Variants in SLC47A1 observed in about 807,000 individuals in gnomAD.
The protein encoded by SLC47A1 is multidrug and toxin extrusion protein 1.
In SLC47A1, 58 loss-of-function variants were observed where a neutral mutation model predicts 65.8. The ratio of observed to expected loss-of-function variants is 0.88; its 90% CI spans 0.71 to 1.10. SLC47A1 has a LOEUF of 1.10. Among genes scored for constraint, SLC47A1 ranks in the 50% least tolerant of loss-of-function variants. The pLI is 0.00. For missense variants in SLC47A1, 706 were observed against 719.2 expected, an observed-to-expected ratio of 0.98 and a Z score of 0.21; for synonymous variants, 285 against 295.0, an observed-to-expected ratio of 0.97 and a Z score of 0.35.
intron 16 of SLC47A1, among the ~76,000 whole-genome samples, chr17:19,576,510 C>T (rs2084441487): frequency 6.6e-6 from 1 of 151,638 alleles, no homozygotes; most frequent in African/African-American, 2.4e-5. Flanking sequence ...GCCATCAGGC[C>T]CAGCAAAGTT....
intron 2 of SLC47A1, among the ~76,000 whole-genome samples, chr17:19,543,766 T>G (rs756643615): frequency 2.0e-5 from 3 of 152,072 alleles, no homozygotes; most frequent in African/African-American, 7.2e-5. Context: ...TCTAGAAAAG[T>G]GGATTCAGTG....
At position 19,571,513 on chromosome 17, in the gene SLC47A1, C is replaced by T; in HGVS notation, c.1345C>T (p.Gln449Ter). ...AGGGATCATCATCTGTACAGTCTTT[C>T]AAGCTGTGTGTTTTCTAGGCTTTAT... ...WSGIIICTVF[Q>*]AVCFLGFIIQ... Residue 449 changes from glutamine to a stop codon, truncating the protein, a stop_gained, in exon 15 of 17, where the codon CAA (glutamine) becomes TAA (stop). Transcript: ENST00000270570. LOFTEE classifies it high-confidence loss of function. 6.2e-7 allele frequency: 1 copy of T among 1,614,096 alleles called. No homozygotes were observed. The highest frequency in any genetic ancestry group is 8.5e-7 in the Non-Finnish European group (1 of 1,179,992).
At chr17:19,559,542 T>A (rs1351649627) in intron 10 of SLC47A1, among the ~76,000 whole-genome samples, 2 of 152,150 alleles carry the variant, frequency 1.3e-5, no homozygotes, top group Admixed American at 1.3e-4. Context: ...ATTTTATTTA[T>A]TTATTTTGAG....
At chr17:19,538,298 CA>C (rs1597491815) in intron 1 of SLC47A1, among the ~76,000 whole-genome samples, 1 of 152,168 alleles carries the variant, frequency 6.6e-6, no homozygotes, top group African/African-American at 2.4e-5. Context: ...ACAAAATACC[CA>C]AAAAACGCTG....
At chr17:19,574,369 C>T (rs940643021) in intron 16 of SLC47A1, among the ~76,000 whole-genome samples, 3 of 152,156 alleles carry the variant, frequency 2.0e-5, no homozygotes, top group African/African-American at 7.2e-5. Flanking sequence ...GTAGGTCTCT[C>T]TGACCTGCAT....
At position 19,567,123 on chromosome 17, in the gene SLC47A1, A is replaced by G. The variant is rs777906906; in HGVS notation, c.1204A>G (p.Ser402Gly). ...CACGAGTGGTGGTGTTCTGAGGGGGAGTGGAAATCAGAAGGTTGGAGCCAT... is the reference window on the plus strand; with the variant it reads ...CACGAGTGGTGGTGTTCTGAGGGGGGGTGGAAATCAGAAGGTTGGAGCCAT... ...ACTSGGVLRG[S>G]GNQKVGAIVN... The change falls in exon 14 of 17, where the codon AGT becomes GGT. Residue 402 changes from serine (S) to glycine (G), a missense_variant. Transcript: ENST00000270570. 2 of 1,613,816 alleles carry G rather than the reference A, an allele frequency of 1.2e-6. No homozygotes were observed. The highest frequency in any genetic ancestry group is 4.5e-5 in the East Asian group (2 of 44,876).
intron 10 of SLC47A1, chr17:19,557,726 G>T (rs748735098): frequency 2.7e-5 from 12 of 442,004 alleles, no homozygotes; most frequent in Non-Finnish European, 3.6e-5. Context: ...CAACACACAG[G>T]GTTTTTCTGC....
chr17:19,541,657 C>T (rs1916152582), intron 1 of SLC47A1, among the ~76,000 whole-genome samples: 1 of 152,218 alleles, frequency 6.6e-6, no homozygotes, highest in Non-Finnish European at 1.5e-5. Flanking sequence ...TCGCTACCTC[C>T]AGCTCCTCCT....
At position 19,577,301 on chromosome 17, in the gene SLC47A1, G is replaced by A. The variant is rs199950261; in HGVS notation, c.1487-26G>A. ...AAATGAAAAAAAAAATCCCTTTTAA[G>A]CTGCTAAGTTCCTTTTTCCTCCCAG... On this transcript the variant is annotated intron_variant, in intron 16 of 16. Coordinates refer to ENST00000270570, the MANE Select transcript of SLC47A1 (RefSeq NM_018242.3). The A allele has an allele frequency of 2.9e-5, 46 of 1,607,360 alleles. No homozygotes were observed. In the African/African-American group the frequency reaches 3.5e-4, roughly 12 times the overall value.
intron 16 of SLC47A1, among the ~76,000 whole-genome samples, chr17:19,575,086 T>C (rs2084429011): frequency 7.9e-6 from 1 of 126,780 alleles, no homozygotes; most frequent in South Asian, 3.1e-4. Flanking sequence ...CCTCCCTTTT[T>C]CTCTCTTTCT....
At chr17:19,575,053 TTC>T (rs781676551) in intron 16 of SLC47A1, among the ~76,000 whole-genome samples, 4 of 151,272 alleles carry the variant, frequency 2.6e-5, no homozygotes, top group Non-Finnish European at 1.5e-5. Flanking sequence ...CAAAATGATT[TTC>T]TTTTTCTCCC....
intron 12 of SLC47A1, among the ~76,000 whole-genome samples, chr17:19,562,295 G>A (rs1352765572): frequency 6.6e-6 from 1 of 152,130 alleles, no homozygotes. Context: ...AGGCACGGTG[G>A]CTCACTCCTG....
At chr17:19,560,112 C>A in intron 10 of SLC47A1, 76 bp from the exon 11 acceptor site, 1 of 1,032,270 alleles carries the variant, frequency 9.7e-7, no homozygotes, top group Non-Finnish European at 1.4e-6. Context: ...AGGTGTGAGG[C>A]ATGAGGCTGC....
At chr17:19,539,416 A>G (rs899706886) in intron 1 of SLC47A1, among the ~76,000 whole-genome samples, 2 of 152,008 alleles carry the variant, frequency 1.3e-5, no homozygotes, top group Non-Finnish European at 2.9e-5. Flanking sequence ...GACCACATGC[A>G]TCTTGCCTGG....
intron 2 of SLC47A1, among the ~76,000 whole-genome samples, chr17:19,545,193 T>TA (rs201178076): frequency 1.3e-3 from 200 of 150,922 alleles, no homozygotes; most frequent in African/African-American, 4.8e-3. Context: ...CTCTGCTTAA[T>TA]AAAAAATTTT....
chr17:19,543,640 CCT>C (rs1916212035), intron 2 of SLC47A1, among the ~76,000 whole-genome samples: 1 of 152,288 alleles, frequency 6.6e-6, no homozygotes, highest in East Asian at 1.9e-4. Context: ...AACTGCAAAT[CCT>C]CTCTGTATAA....
intron 10 of SLC47A1, among the ~76,000 whole-genome samples, chr17:19,556,865 G>T (rs1309657362): frequency 6.6e-6 from 1 of 152,160 alleles, no homozygotes; most frequent in Non-Finnish European, 1.5e-5. Flanking sequence ...CTTGTTAACT[G>T]TGTTCACAGG....
chr17:19,560,128 T>C, intron 10 of SLC47A1, 60 bp from the exon 11 acceptor site: 2 of 1,277,016 alleles, frequency 1.6e-6, no homozygotes, highest in Non-Finnish European at 2.2e-6. Flanking sequence ...GCTGCTTCTC[T>C]GCACGTGTTC....
At chr17:19,552,354 C>CT (rs1208088678) in intron 6 of SLC47A1, among the ~76,000 whole-genome samples, 1 of 152,186 alleles carries the variant, frequency 6.6e-6, no homozygotes, top group African/African-American at 2.4e-5. Context: ...GGATATTACT[C>CT]TATCAACAAA....
Sources: gnomAD v4.1 joint callset for allele counts (sites outside exome capture counted in the v4.1 genomes callset) on GRCh38, gnomAD v4.1.1 for gene constraint, MANE v1.5 for transcripts, NCBI Gene and HGNC (gene_info 2026-07-23, HGNC 2026-07-21) for gene names.